Variants in TEX10 observed in about 807,000 individuals in gnomAD.
TEX10 encodes testis expressed 10.
A neutral mutation model predicts 104.4 loss-of-function variants in TEX10; 24 were observed. The observed-to-expected ratio is 0.23, with a 90% CI of 0.17 to 0.32. The LOEUF (loss-of-function observed/expected upper bound fraction) is 0.32. Among genes scored for constraint, TEX10 ranks in the 10% least tolerant of loss-of-function variants. The probability of loss-of-function intolerance (pLI) is 1.00; values close to 1 mark genes in which losing one functional copy is unlikely to be tolerated. For missense variants in TEX10, 921 were observed against 1,083.9 expected (o/e 0.85, Z 2.11); for synonymous variants, 396 against 393.4 (o/e 1.01, Z -0.08).
chr9:100,307,114 G>A (rs959978413), intron 13 of TEX10: 5 of 152,158 alleles, frequency 3.3e-5, no homozygotes, highest in African/African-American at 1.2e-4. Flanking sequence ...TATATTTAAA[G>A]TGAAATACAC....
chr9:100,318,828 C>G (rs1834490282), intron 11 of TEX10, among the ~76,000 whole-genome samples: 1 of 152,172 alleles, frequency 6.6e-6, no homozygotes, highest in Non-Finnish European at 1.5e-5. Context: ...ACTCAGAAGG[C>G]TGAGGCAGGA....
chr9:100,345,370 AAAC>A (rs1394164734), intron 4 of TEX10, among the ~76,000 whole-genome samples: 2 of 152,200 alleles, frequency 1.3e-5, no homozygotes, highest in African/African-American at 2.4e-5. Context: ...AATAAAAATA[AAAC>A]AAAAACAAGA....
intron 10 of TEX10, among the ~76,000 whole-genome samples, chr9:100,320,607 G>C (rs1834543441): frequency 1.3e-5 from 2 of 152,090 alleles, no homozygotes; most frequent in Non-Finnish European, 2.9e-5. Context: ...TAAAAGATGT[G>C]ATCAGACCCA....
intron 10 of TEX10, among the ~76,000 whole-genome samples, chr9:100,320,966 C>G (rs770590844): frequency 6.6e-6 from 1 of 152,172 alleles, no homozygotes; most frequent in Non-Finnish European, 1.5e-5. Flanking sequence ...TCAAAATGAT[C>G]AGAATACCAC....
At chr9:100,347,915 A>G (rs1835342717) in intron 2 of TEX10, among the ~76,000 whole-genome samples, 1 of 152,252 alleles carries the variant, frequency 6.6e-6, no homozygotes, top group Non-Finnish European at 1.5e-5. Context: ...CTTAAAAAGC[A>G]AAACTCGAAA....
In TEX10 at chr9:100,308,636, C is replaced by CA; in HGVS notation, c.2328dup (p.Gly777TrpfsTer5). 1 of 1,608,886 alleles carries CA rather than the reference C, an allele frequency of 6.2e-7. No individual in the cohort carries two copies. The highest frequency in any genetic ancestry group is 8.5e-7 in the Non-Finnish European group (1 of 1,177,742). On this transcript the variant is annotated frameshift_variant, in exon 13 of 15. Transcript: ENST00000374902. LOFTEE classifies it high-confidence loss of function. ...TGATCCAGGAGCTTACAGATAACAC[C>CA]AAAAACACAGCCAGCCGTGCTGTCA...
intron 11 of TEX10, among the ~76,000 whole-genome samples, chr9:100,316,019 T>G (rs1455532602): frequency 6.6e-6 from 1 of 152,258 alleles, no homozygotes; most frequent in Non-Finnish European, 1.5e-5. Flanking sequence ...TTTCTTCCCC[T>G]TGGGAATACC....
intron 1 of TEX10, 149 bp from the exon 2 acceptor site, chr9:100,349,521 C>G (rs376965909): frequency 1.8e-6 from 1 of 561,296 alleles, no homozygotes; most frequent in Non-Finnish European, 2.8e-6. Flanking sequence ...TTAAAAAATG[C>G]TGTTAAGAAC....
intron 5 of TEX10, 58 bp downstream of exon 5, chr9:100,340,198 CT>C: frequency 1.9e-6 from 2 of 1,036,270 alleles, no homozygotes; most frequent in Non-Finnish European, 2.7e-6. Context: ...TAATTACTTC[CT>C]GATAATTTCA....
chr9:100,351,375 C>A (rs3931549), intron 1 of TEX10, among the ~76,000 whole-genome samples: 42,164 of 88,702 alleles, frequency 0.48, 9,410 homozygotes, highest in East Asian at 0.87. Context: ...AAAAACAAAA[C>A]AAAACAAAAA....
At chr9:100,316,713 T>A (rs1490239673) in intron 11 of TEX10, among the ~76,000 whole-genome samples, 4 of 152,028 alleles carry the variant, frequency 2.6e-5, no homozygotes, top group African/African-American at 9.7e-5. Context: ...GCTATCCTAC[T>A]GCCCCAACCT....
chr9:100,346,604 C>T, intron 3 of TEX10, 90 bp downstream of exon 3: 2 of 1,331,382 alleles, frequency 1.5e-6, no homozygotes, highest in South Asian at 1.5e-5. Context: ...TGAAAGACAA[C>T]TGCATGTCTT....
At chr9:100,347,901 A>G (rs903631817) in intron 2 of TEX10, among the ~76,000 whole-genome samples, 3 of 152,236 alleles carry the variant, frequency 2.0e-5, no homozygotes, top group African/African-American at 7.2e-5. Context: ...TTTAAACTTC[A>G]GAGCTTAAAA....
Position 100,302,265 on chromosome 9 carries a change from CTG to C in TEX10, c.2714_2715del (p.Thr905ArgfsTer29). The C allele has an allele frequency of 6.2e-7, 1 of 1,613,790 alleles. No individual in the cohort carries two copies. Among genetic ancestry groups the C allele is most frequent in the Non-Finnish European group, 8.5e-7 (1 of 1,179,790 alleles). On this transcript the variant is annotated frameshift_variant, in exon 15 of 15. Coordinates refer to ENST00000374902, the MANE Select transcript of TEX10 (RefSeq NM_017746.4). LOFTEE classifies it high-confidence loss of function. ...TACACGTTGAAGCAGTAATGTAAGT[CTG>C]TGAGCCACTGTTCCTGAACACTTCC... Reference protein sequence around the residue: ...KSGSVQEQWLTDLHYCFNVYI... With the variant: ...KSGSVQEQWLXDLHYCFNVYI...
chr9:100,303,438 AC>A (rs35109045), intron 14 of TEX10, among the ~76,000 whole-genome samples, 193 bp downstream of exon 14: 63,116 of 133,902 alleles, frequency 0.47, 16,088 homozygotes, highest in East Asian at 0.9. Flanking sequence ...TCACAGACAC[AC>A]CCCCCCCCCC....
At chr9:100,306,826 C>T (rs1462147284) in intron 13 of TEX10, 1 of 152,172 alleles carries the variant, frequency 6.6e-6, no homozygotes, top group African/African-American at 2.4e-5. Context: ...TAATTTTGTT[C>T]ATTCCAGCCA....
At chr9:100,325,576 A>T (rs906382577) in intron 9 of TEX10, among the ~76,000 whole-genome samples, 3 of 152,128 alleles carry the variant, frequency 2.0e-5, no homozygotes, top group African/African-American at 7.2e-5. Flanking sequence ...TGTCGCCCAG[A>T]TTGGAGTGCA....
chr9:100,304,948 T>C (rs1834108746), intron 13 of TEX10: 1 of 152,200 alleles, frequency 6.6e-6, no homozygotes, highest in Non-Finnish European at 1.5e-5. Context: ...TGGGCCCTAA[T>C]TAAACTTAAG....
In TEX10 at chr9:100,303,722, C is replaced by G; in HGVS notation, c.2586G>C (p.Gln862His). The change falls in exon 14 of 15, where the codon CAG becomes CAC. Residue 862 changes from glutamine to histidine, a missense_variant. This residue lies in a region of TEX10 where 753 missense variants were observed against 868.4 expected (regional missense o/e 0.87). Transcript: ENST00000374902. ...VGPEELPVVG[Q>H]LLRLLLQHAP... Reference sequence around the variant, plus strand: ...CATGCTGAAGCAGCAGTCGAAGCAGCTGGCCCACAACAGGCAGCTCCTCAG... The same window carrying G: ...CATGCTGAAGCAGCAGTCGAAGCAGGTGGCCCACAACAGGCAGCTCCTCAG... 1.9e-6 allele frequency: 3 copies of G among 1,614,148 alleles called. No homozygotes were observed. The highest frequency in any genetic ancestry group is 2.5e-6 in the Non-Finnish European group (3 of 1,180,036).
Sources: gnomAD v4.1 joint callset for allele counts (sites outside exome capture counted in the v4.1 genomes callset) on GRCh38, gnomAD v4.1.1 for gene constraint, gnomAD v4.1.1 regional missense constraint, MANE v1.5 for transcripts, NCBI Gene and HGNC (gene_info 2026-07-23, HGNC 2026-07-21) for gene names.